HS3ST4: variants seen among roughly 807,000 people sequenced by gnomAD.
HS3ST4 encodes the protein heparan sulfate-glucosamine 3-sulfotransferase 4.
A neutral mutation model predicts 29.2 loss-of-function variants in HS3ST4; 17 were observed. The ratio of observed to expected loss-of-function variants is 0.58; its 90% CI spans 0.40 to 0.87. HS3ST4 has a LOEUF of 0.87. Ranked by LOEUF, HS3ST4 falls within the 40% of genes least tolerant of loss-of-function variation. The probability of loss-of-function intolerance (pLI) is 0.00; values close to 1 mark genes in which losing one functional copy is unlikely to be tolerated. For synonymous variants in HS3ST4, 314 were observed against 285.7 expected (o/e 1.10, Z -1.00); for missense variants, 627 against 634.5 (o/e 0.99, Z 0.13).
At chr16:26,033,119 C>T (rs1230711088) in intron 1 of HS3ST4, among the ~76,000 whole-genome samples, 1 of 152,130 alleles carries the variant, frequency 6.6e-6, no homozygotes, top group Admixed American at 6.6e-5. Context: ...TGGCTTACAC[C>T]TGTAATCCCA....
chr16:25,873,476 A>G (rs1967787455), intron 1 of HS3ST4, among the ~76,000 whole-genome samples: 31 of 82,352 alleles, frequency 3.8e-4, no homozygotes, highest in African/African-American at 1.4e-3. Flanking sequence ...CCATCCATCT[A>G]TCTCTCTATC....
At position 25,973,327 on chromosome 16, in the gene HS3ST4, G is replaced by A. The variant is rs376263159; in HGVS notation, c.735-162285G>A. ...AAGGATTTTTATGATGAGAAATGCC[G>A]TAGGCATAGATGTATGACATAGAAG... On this transcript the variant is annotated intron_variant, in intron 1 of 1. Coordinates refer to ENST00000331351, the MANE Select transcript of HS3ST4 (RefSeq NM_006040.3). 4.7e-4 allele frequency among the ~76,000 whole-genome samples: 71 copies of A among 152,320 alleles called. No individual in the cohort carries two copies. The South Asian group carries it at 5.6e-3, about 12-fold the overall frequency.
chr16:25,880,023 A>G (rs867925621), intron 1 of HS3ST4, among the ~76,000 whole-genome samples: 9 of 152,106 alleles, frequency 5.9e-5, no homozygotes, highest in Non-Finnish European at 8.8e-5. Flanking sequence ...CACCCTTGAC[A>G]TGTGGGGATT....
chr16:26,102,551 C>G (rs1233050104), intron 1 of HS3ST4, among the ~76,000 whole-genome samples: 1 of 152,118 alleles, frequency 6.6e-6, no homozygotes, highest in Non-Finnish European at 1.5e-5. Flanking sequence ...ACAGCTGTCC[C>G]TTGGGCAACA....
rs76743836 is a variant in HS3ST4 at position 25,794,077 on chromosome 16, G to A, written c.734+100926G>A. On this transcript the variant is annotated intron_variant, in intron 1 of 1. Transcript: ENST00000331351. ...TTTGATTCTTGGTGTTGTAATTTAC[G>A]CTATTTCTCTTCTTTTCTTGACCAG... is the stretch of plus-strand genomic sequence containing the variant. 2.7e-4 allele frequency among the ~76,000 whole-genome samples: 41 copies of A among 151,880 alleles called. No homozygotes were observed. In the East Asian group the frequency reaches 4.4e-3, roughly 16 times the overall value.
At chr16:25,835,548 T>A (rs1242050984) in intron 1 of HS3ST4, among the ~76,000 whole-genome samples, 1 of 151,984 alleles carries the variant, frequency 6.6e-6, no homozygotes, top group Non-Finnish European at 1.5e-5. Flanking sequence ...CCATGTGCCA[T>A]CAATAGAGAA....
At chr16:25,847,113 A>G (rs1596589451) in intron 1 of HS3ST4, among the ~76,000 whole-genome samples, 1 of 151,690 alleles carries the variant, frequency 6.6e-6, no homozygotes, top group South Asian at 2.1e-4. Context: ...TCTTAGCAGG[A>G]TTACATTGAG....
At chr16:26,062,636 A>G (rs557795376) in intron 1 of HS3ST4, 3 of 149,372 alleles carry the variant, frequency 2.0e-5, no homozygotes, top group South Asian at 4.2e-4. Context: ...TAGTTTAGAT[A>G]TAATTCATTT....
At chr16:25,852,300 T>C (rs1323186134) in intron 1 of HS3ST4, among the ~76,000 whole-genome samples, 2 of 152,172 alleles carry the variant, frequency 1.3e-5, no homozygotes, top group African/African-American at 2.4e-5. Context: ...TTTAAAAAAT[T>C]AATTTTAATT....
intron 1 of HS3ST4, among the ~76,000 whole-genome samples, chr16:25,897,069 G>C (rs1370954646): frequency 6.6e-6 from 1 of 152,086 alleles, no homozygotes; most frequent in Non-Finnish European, 1.5e-5. Context: ...GCTGAGTGAT[G>C]GGTTCAATTG....
intron 1 of HS3ST4, among the ~76,000 whole-genome samples, chr16:26,008,843 A>G (rs1004168992): frequency 1.3e-5 from 2 of 152,102 alleles, no homozygotes; most frequent in Non-Finnish European, 2.9e-5. Flanking sequence ...ACAAAACCCA[A>G]GATACCAAGA....
At chr16:26,109,282 G>A (rs990562174) in intron 1 of HS3ST4, among the ~76,000 whole-genome samples, 9 of 152,116 alleles carry the variant, frequency 5.9e-5, no homozygotes, top group Non-Finnish European at 7.3e-5. Context: ...CAGCGGCCCC[G>A]TTTCCTGCAG....
At chr16:26,109,449 G>T (rs1899098924) in intron 1 of HS3ST4, among the ~76,000 whole-genome samples, 1 of 152,162 alleles carries the variant, frequency 6.6e-6, no homozygotes, top group African/African-American at 2.4e-5. Flanking sequence ...TCGTCTGAGG[G>T]TGGGGAGAGA....
intron 1 of HS3ST4, among the ~76,000 whole-genome samples, chr16:26,047,721 A>T (rs146989898): frequency 3.3e-5 from 5 of 152,280 alleles, no homozygotes; most frequent in Admixed American, 1.3e-4. Context: ...AATTCCTTGT[A>T]CTTAATTCAA....
intron 1 of HS3ST4, among the ~76,000 whole-genome samples, chr16:25,706,475 A>G (rs1341688414): frequency 1.3e-5 from 2 of 152,070 alleles, no homozygotes; most frequent in Non-Finnish European, 2.9e-5. Context: ...TCAACCCGTC[A>G]TCTAGGTTTT....
At chr16:25,961,001 C>T (rs1383358030) in intron 1 of HS3ST4, among the ~76,000 whole-genome samples, 2 of 152,196 alleles carry the variant, frequency 1.3e-5, no homozygotes, top group African/African-American at 4.8e-5. Context: ...CTCATTCCCA[C>T]TCCTACCTCT....
chr16:26,098,046 G>T (rs983272794), intron 1 of HS3ST4, among the ~76,000 whole-genome samples: 1 of 152,104 alleles, frequency 6.6e-6, no homozygotes, highest in African/African-American at 2.4e-5. Context: ...ACCATCTCAC[G>T]CCAGTTAGAA....
chr16:25,942,630 T>C (rs549134051), intron 1 of HS3ST4, among the ~76,000 whole-genome samples: 1 of 152,032 alleles, frequency 6.6e-6, no homozygotes, highest in South Asian at 2.1e-4. Flanking sequence ...TCTTTCCTTT[T>C]TTTTTAGAGG....
At chr16:25,913,135 G>A (rs1968256874) in intron 1 of HS3ST4, among the ~76,000 whole-genome samples, 1 of 152,230 alleles carries the variant, frequency 6.6e-6, no homozygotes, top group Non-Finnish European at 1.5e-5. Flanking sequence ...GGCAGATTCT[G>A]ATGGGGTTGG....
Sources: gnomAD v4.1 joint callset for allele counts (sites outside exome capture counted in the v4.1 genomes callset) on GRCh38, gnomAD v4.1.1 for gene constraint, MANE v1.5 for transcripts, NCBI Gene and HGNC (gene_info 2026-07-23, HGNC 2026-07-21) for gene names.